ZNF77: variants seen among roughly 807,000 people sequenced by gnomAD.
The protein encoded by ZNF77 is ZNFpT1.
In ZNF77, 15 loss-of-function variants were observed where a neutral mutation model predicts 13.5. The observed-to-expected ratio is 1.11, with a 90% CI of 0.74 to 1.71. The LOEUF is 1.71. ZNF77 is among the 40% of genes most tolerant of loss of function. The pLI, the probability that ZNF77 is intolerant of heterozygous loss-of-function variation, is 0.00. For synonymous variants in ZNF77, 282 were observed against 250.0 expected, an observed-to-expected ratio of 1.13 and a Z score of -1.21; for missense variants, 717 against 676.4, an observed-to-expected ratio of 1.06 and a Z score of -0.67.
rs769146865 is a variant in ZNF77, at chr19:2,934,839, A to G, written c.312-24T>C. 13 of 1,586,274 alleles carry G rather than the reference A, an allele frequency of 8.2e-6. No individual in the cohort carries two copies. The Admixed American group carries it at 1.6e-4, about 19-fold the overall frequency. On this transcript the variant is annotated intron_variant, in intron 3 of 3. Transcript: ENST00000314531. ...TTCTGTTCAAAATGGGAAGCAAGCT[A>G]CTAGTCATGAATGACTATAAGTGAT...
At position 2,938,684 on chromosome 19, in the gene ZNF77, C is replaced by T. The variant is rs545917315; in HGVS notation, c.130+597G>A. Reference sequence around the variant, plus strand: ...AAAACAAGGTATCTTAGGCCGGGCGCGGTGGCTCACGCCTGTAATCCCAGC... The same window carrying T: ...AAAACAAGGTATCTTAGGCCGGGCGTGGTGGCTCACGCCTGTAATCCCAGC... On this transcript the variant is annotated intron_variant, in intron 2 of 3. Coordinates refer to ENST00000314531, the MANE Select transcript of ZNF77 (RefSeq NM_021217.3). 2.3e-3 allele frequency among the ~76,000 whole-genome samples: 345 copies of T among 152,282 alleles called. 1 individual carries two copies. The highest frequency in any genetic ancestry group is 5.8e-3 in the African/African-American group (239 of 41,560).
intron 1 of ZNF77, among the ~76,000 whole-genome samples, chr19:2,944,217 C>T (rs2088476214): frequency 6.8e-6 from 1 of 147,920 alleles, no homozygotes; most frequent in African/African-American, 2.5e-5. Flanking sequence ...CCCTGATCGC[C>T]TCTACTGCCC....
intron 2 of ZNF77, among the ~76,000 whole-genome samples, chr19:2,937,819 CTT>C (rs1490577878): frequency 2.0e-5 from 3 of 152,056 alleles, no homozygotes; most frequent in African/African-American, 7.2e-5. Context: ...TGCAGTGGCA[CTT>C]TGTTGGCTCA....
chr19:2,933,949 G>C lies in ZNF77; in HGVS notation c.1178C>G (p.Thr393Ser). Residue 393 changes from threonine (T) to serine (S), a missense_variant, in exon 4 of 4, where the codon ACT becomes AGT. Physicochemically the swap from Thr to Ser is moderately conservative, Grantham distance 58 (BLOSUM62 1). Transcript: ENST00000314531. The part of the protein sequence containing the change: ...KQCGKAFGCP[T>S]YFRRHVKTHS... ...TGTTTTCACATGTCTTCTAAAGTAA[G>C]TGGGACATCCGAAGGCCTTCCCACA... 2.5e-6 allele frequency: 4 copies of C among 1,614,108 alleles called. No individual in the cohort carries two copies. The highest frequency in any genetic ancestry group is 2.5e-6 in the Non-Finnish European group (3 of 1,180,018).
At chr19:2,940,381 G>T (rs1047952812) in intron 1 of ZNF77, among the ~76,000 whole-genome samples, 12 of 150,738 alleles carry the variant, frequency 8.0e-5, no homozygotes, top group African/African-American at 2.9e-4. Context: ...AAGGCTAAAA[G>T]AATTTAGGAT....
chr19:2,944,052 T>C (rs1473975092), intron 1 of ZNF77, among the ~76,000 whole-genome samples: 1 of 151,638 alleles, frequency 6.6e-6, no homozygotes, highest in African/African-American at 2.4e-5. Context: ...GGGCACCACC[T>C]CCTCCTTGGC....
rs1771501678 is a variant in ZNF77 at position 2,944,842 on chromosome 19, T to C, written c.-2A>G. On this transcript the variant is annotated 5_prime_UTR_variant, in exon 1 of 4. Coordinates refer to ENST00000314531, the MANE Select transcript of ZNF77 (RefSeq NM_021217.3). ...CGGCTCCCGCCCGGCACTCACCATG[T>C]CCCGCCCGCTCCTGGGCTCTCCAGG... 11 of 1,526,074 alleles carry C rather than the reference T, an allele frequency of 7.2e-6. No individual in the cohort carries two copies. The highest frequency in any genetic ancestry group is 2.2e-4 in the Middle Eastern group (1 of 4,534). 94.5% of individuals were successfully genotyped at this position (1,526,074 alleles called of 1,614,324 possible). A position where few individuals can be genotyped will look rare whatever the true frequency, so the allele number is the denominator to read the frequency against.
At chr19:2,939,708 A>C in intron 1 of ZNF77, 1 of 358,042 alleles carries the variant, frequency 2.8e-6, no homozygotes, top group South Asian at 2.7e-5. Context: ...CTGGTGGCTC[A>C]TGCCTGCAAT....
chr19:2,934,228 T>A lies in ZNF77; in HGVS notation c.899A>T (p.His300Leu). The stretch of plus-strand genomic sequence containing the variant: ...GTAACAGCTGAATGATTTTCCACAA[T>A]GCTTACATTCATACGGTTTCTCTCC... ...HTGEKPYECK[H>L]CGKSFSCYSS... The change falls in exon 4 of 4, where the codon CAT becomes CTT. Residue 300 changes from histidine (H) to leucine (L), a missense_variant. His to Leu is a moderately conservative substitution (Grantham distance 99, BLOSUM62 -3). Transcript: ENST00000314531. 1 of 1,614,150 alleles carries A rather than the reference T, an allele frequency of 6.2e-7. No homozygotes were observed. The highest frequency in any genetic ancestry group is 2.2e-5 in the East Asian group (1 of 44,878).
chr19:2,944,737 G>T, intron 1 of ZNF77, 101 bp downstream of exon 1: 1 of 1,409,432 alleles, frequency 7.1e-7, no homozygotes. Context: ...GCGCCGCCCC[G>T]CGCGTCCCTC....
At chr19:2,937,372 CT>C (rs1277891055) in intron 2 of ZNF77, among the ~76,000 whole-genome samples, 2 of 152,130 alleles carry the variant, frequency 1.3e-5, no homozygotes, top group East Asian at 3.9e-4. Context: ...GTAATCCCAG[CT>C]ACTCGGGAGG....
chr19:2,941,237 G>T (rs2088446180), intron 1 of ZNF77, among the ~76,000 whole-genome samples: 2 of 150,982 alleles, frequency 1.3e-5, no homozygotes, highest in South Asian at 4.2e-4. Flanking sequence ...CAGCACTTTG[G>T]GAGGCCAAGG....
chr19:2,940,932 T>C (rs888745951), intron 1 of ZNF77, among the ~76,000 whole-genome samples: 19 of 152,098 alleles, frequency 1.2e-4, no homozygotes, highest in Non-Finnish European at 1.6e-4. Context: ...CCCAGCACTT[T>C]GGGAGACTGA....
rs371089667 is a variant in ZNF77 at position 2,936,643 on chromosome 19, T to G, written c.192A>C (p.Gly64=). ...SSSQRDVFGN[G]ISNDEEIVKF... is the part of the protein sequence containing the mutation. ...TTACAATCTCTTCATCATTGGATAT[T>G]CCATTCCCAAAAACGTCCCTCTGAG... The change falls in exon 3 of 4, where the codon GGA becomes GGC. Residue 64 remains glycine, a synonymous_variant. Transcript: ENST00000314531. The G allele has an allele frequency of 1.6e-5, 25 of 1,610,378 alleles. No homozygotes were observed. In the African/African-American group the frequency reaches 3.3e-4, roughly 22 times the overall value.
In ZNF77 at chr19:2,934,762, G is replaced by T; in HGVS notation, c.365C>A (p.Thr122Asn). 1 of 1,614,032 alleles carries T rather than the reference G, an allele frequency of 6.2e-7. No homozygotes were observed. ...ESNEGHQCGE[T>N]LSQTANLLVH... ...AAGAAGGTTCGCAGTCTGGCTCAAG[G>T]TCTCTCCGCATTGATGACCTTCATT... Residue 122 changes from threonine (T) to asparagine (N), a missense_variant, in exon 4 of 4, where the codon ACC (threonine) becomes AAC (asparagine). Thr to Asn is a moderately conservative substitution (Grantham distance 65). Transcript: ENST00000314531.
Position 2,934,656 on chromosome 19 carries a change from A to G in ZNF77, c.471T>C (p.Ser157=). The change falls in exon 4 of 4, where the codon TCT becomes TCC. Residue 157 remains serine (S), a synonymous_variant. Coordinates refer to ENST00000314531, the MANE Select transcript of ZNF77 (RefSeq NM_021217.3). ...CGKAFENRQR[S]HTGQRPCKEC... is the part of the protein sequence containing the mutation. ...CCTTACACGGTCTCTGTCCAGTGTG[A>G]GATCTCTGCCGATTCTCGAAGGCTT... 1 of 1,614,050 alleles carries G rather than the reference A, an allele frequency of 6.2e-7. No individual in the cohort carries two copies. The highest frequency in any genetic ancestry group is 1.1e-5 in the South Asian group (1 of 91,078).
intron 1 of ZNF77, among the ~76,000 whole-genome samples, chr19:2,941,594 G>T (rs2088449140): frequency 6.6e-6 from 1 of 152,114 alleles, no homozygotes. Context: ...CCCACAAAGG[G>T]TCCCATGCAG....
At chr19:2,934,837 C>T in intron 3 of ZNF77, 22 bp from the exon 4 acceptor site, 2 of 1,586,908 alleles carry the variant, frequency 1.3e-6, no homozygotes, top group Non-Finnish European at 1.7e-6. Context: ...GGGAAGCAAG[C>T]TACTAGTCAT....
Position 2,944,921 on chromosome 19 carries a change from A to G in ZNF77, c.-81T>C, listed in dbSNP as rs1354247840. ...GCAGGTGAGCACGACAGGACACCTG[A>G]GCCGCTCGGGGTAGGCGGGGAAGCG... On this transcript the variant is annotated 5_prime_UTR_variant, in exon 1 of 4. Transcript: ENST00000314531. 6 of 1,472,242 alleles carry G rather than the reference A, an allele frequency of 4.1e-6. 1 individual carries two copies. In the Admixed American group the frequency reaches 7.4e-5, roughly 18 times the overall value. The allele number at this position is 1,472,242 out of a possible 1,614,324, so 91.2% of individuals were successfully genotyped here. A position where few individuals can be genotyped will look rare whatever the true frequency, so the allele number is the denominator to read the frequency against.
Sources: gnomAD v4.1 joint callset for allele counts (sites outside exome capture counted in the v4.1 genomes callset) on GRCh38, gnomAD v4.1.1 for gene constraint, MANE v1.5 for transcripts, NCBI Gene and HGNC (gene_info 2026-07-23, HGNC 2026-07-21) for gene names.